CCSER1: variants seen among roughly 807,000 people sequenced by gnomAD.
CCSER1 encodes coiled-coil serine rich protein 1.
A neutral mutation model predicts 82.0 loss-of-function variants in CCSER1; 41 were observed. The observed-to-expected ratio is 0.50, with a 90% CI of 0.39 to 0.65. The LOEUF (loss-of-function observed/expected upper bound fraction) is 0.65. Among genes scored for constraint, CCSER1 ranks in the 30% least tolerant of loss-of-function variants. The pLI is 0.00. For synonymous variants in CCSER1, 414 were observed against 383.9 expected (o/e 1.08, Z -0.92); for missense variants, 1,119 against 1,064.2 (o/e 1.05, Z -0.72).
At chr4:90,554,596 A>C (rs996019954) in intron 5 of CCSER1, among the ~76,000 whole-genome samples, 16 of 152,216 alleles carry the variant, frequency 1.1e-4, no homozygotes, top group Non-Finnish European at 7.3e-5. Flanking sequence ...TTATATTGCT[A>C]TTATATTGCT....
chr4:91,224,617 A>G (rs374114215), intron 10 of CCSER1, among the ~76,000 whole-genome samples: 1 of 152,092 alleles, frequency 6.6e-6, no homozygotes, highest in Non-Finnish European at 1.5e-5. Context: ...CAGCTAATTC[A>G]TATCACATAG....
At chr4:90,211,180 A>C (rs1739919455) in intron 1 of CCSER1, among the ~76,000 whole-genome samples, 2 of 152,250 alleles carry the variant, frequency 1.3e-5, no homozygotes, top group Admixed American at 6.5e-5. Flanking sequence ...TCCTTGGAAG[A>C]ATAAAAGCAT....
intron 1 of CCSER1, among the ~76,000 whole-genome samples, chr4:90,222,766 TTC>T (rs1560824133): frequency 6.6e-6 from 1 of 152,170 alleles, no homozygotes; most frequent in Non-Finnish European, 1.5e-5. Context: ...TACAAACTCT[TTC>T]TGATTTCTTT....
At chr4:90,741,623 AC>A (rs914646894) in intron 7 of CCSER1, among the ~76,000 whole-genome samples, 1 of 152,206 alleles carries the variant, frequency 6.6e-6, no homozygotes, top group African/African-American at 2.4e-5. Flanking sequence ...TTTATTTCTT[AC>A]TTAGTATTAT....
chr4:91,096,795 C>T (rs1027072424), intron 10 of CCSER1, among the ~76,000 whole-genome samples: 1 of 152,152 alleles, frequency 6.6e-6, no homozygotes, highest in Non-Finnish European at 1.5e-5. Context: ...CACACACTCA[C>T]CACAAAACAA....
At chr4:91,578,011 C>A (rs72886315) in intron 10 of CCSER1, among the ~76,000 whole-genome samples, 187 of 152,036 alleles carry the variant, frequency 1.2e-3, no homozygotes, top group African/African-American at 4.1e-3. Flanking sequence ...TAGAAGTTTC[C>A]TTTAAAAGAT....
intron 10 of CCSER1, among the ~76,000 whole-genome samples, chr4:91,362,051 A>G (rs545661482): frequency 6.6e-6 from 1 of 151,942 alleles, no homozygotes; most frequent in East Asian, 1.9e-4. Context: ...AAAGCAATGA[A>G]GGCCCTGCAC....
At chr4:90,532,573 A>T (rs1326506565) in intron 5 of CCSER1, among the ~76,000 whole-genome samples, 1 of 152,128 alleles carries the variant, frequency 6.6e-6, no homozygotes, top group East Asian at 1.9e-4. Context: ...TTTGCATAAC[A>T]TATGGTGCCT....
At chr4:90,232,416 C>G (rs1381264328) in intron 1 of CCSER1, among the ~76,000 whole-genome samples, 2 of 152,028 alleles carry the variant, frequency 1.3e-5, no homozygotes. Flanking sequence ...AACTGGCTAG[C>G]CATATGTAGA....
intron 6 of CCSER1, among the ~76,000 whole-genome samples, chr4:90,687,952 G>A (rs1274891434): frequency 6.6e-6 from 1 of 152,082 alleles, no homozygotes; most frequent in Admixed American, 6.6e-5. Flanking sequence ...CCTCATCCCA[G>A]TCACCTTTGT....
chr4:90,136,032 G>A (rs1723639458), intron 1 of CCSER1, among the ~76,000 whole-genome samples: 1 of 152,106 alleles, frequency 6.6e-6, no homozygotes, highest in Non-Finnish European at 1.5e-5. Context: ...AGTCACCTAA[G>A]TTCATGATGA....
At chr4:90,774,881 C>T (rs1279775141) in intron 7 of CCSER1, among the ~76,000 whole-genome samples, 1 of 152,140 alleles carries the variant, frequency 6.6e-6, no homozygotes, top group African/African-American at 2.4e-5. Flanking sequence ...TCCAAAAAGA[C>T]CACTAATAGG....
chr4:91,175,199 T>G (rs549416202), intron 10 of CCSER1, among the ~76,000 whole-genome samples: 1 of 152,288 alleles, frequency 6.6e-6, no homozygotes, highest in East Asian at 1.9e-4. Flanking sequence ...ATATGTACCA[T>G]ATTTTCTTAA....
intron 6 of CCSER1, among the ~76,000 whole-genome samples, chr4:90,696,799 G>C (rs1401953000): frequency 1.3e-5 from 2 of 152,088 alleles, no homozygotes; most frequent in Admixed American, 1.3e-4. Flanking sequence ...AGCACAGAAA[G>C]CATATATAAC....
chr4:90,916,764 T>A (rs1434537817), intron 8 of CCSER1, among the ~76,000 whole-genome samples: 1 of 152,150 alleles, frequency 6.6e-6, no homozygotes, highest in Admixed American at 6.5e-5. Flanking sequence ...AATCTACTCA[T>A]CTGACAAAGG....
chr4:91,324,679 T>C (rs1746427885), intron 10 of CCSER1, among the ~76,000 whole-genome samples: 1 of 152,168 alleles, frequency 6.6e-6, no homozygotes, highest in African/African-American at 2.4e-5. Context: ...TAGAGTTGTT[T>C]GAATAAATAC....
At chr4:91,435,390 G>A (rs551599541) in intron 10 of CCSER1, among the ~76,000 whole-genome samples, 3 of 151,420 alleles carry the variant, frequency 2.0e-5, no homozygotes, top group African/African-American at 7.3e-5. Context: ...GCAGAGATTC[G>A]TGATCATGCC....
At chr4:90,408,786 G>A (rs1006916138) in intron 4 of CCSER1, among the ~76,000 whole-genome samples, 1 of 152,242 alleles carries the variant, frequency 6.6e-6, no homozygotes, top group Non-Finnish European at 1.5e-5. Flanking sequence ...GACGGACAAT[G>A]ACTTTGATGA....
At chr4:90,361,596 A>G (rs1336235671) in intron 3 of CCSER1, among the ~76,000 whole-genome samples, 2 of 152,172 alleles carry the variant, frequency 1.3e-5, no homozygotes, top group Non-Finnish European at 2.9e-5. Flanking sequence ...AATTGAGCCT[A>G]TCACCCAGGT....
Sources: gnomAD v4.1 joint callset for allele counts (sites outside exome capture counted in the v4.1 genomes callset) on GRCh38, gnomAD v4.1.1 for gene constraint, MANE v1.5 for transcripts, NCBI Gene and HGNC (gene_info 2026-07-23, HGNC 2026-07-21) for gene names.